Variants in KCNIP1 observed in about 807,000 individuals in gnomAD.
KCNIP1 encodes potassium voltage-gated channel interacting protein 1.
KCNIP1 carries 18 observed loss-of-function variants against 33.0 expected under a neutral mutation model. That is an observed-to-expected ratio of 0.55 (90% CI 0.38 to 0.81). KCNIP1 has a LOEUF of 0.81. Among genes scored for constraint, KCNIP1 ranks in the 30% least tolerant of loss-of-function variants. KCNIP1 has a pLI of 0.00. For missense variants in KCNIP1, 238 were observed against 271.6 expected (o/e 0.88, Z 0.87); for synonymous variants, 93 against 98.3 (o/e 0.95, Z 0.32).
At chr5:170,589,933 G>A (rs930808736) in intron 1 of KCNIP1, among the ~76,000 whole-genome samples, 1 of 152,214 alleles carries the variant, frequency 6.6e-6, no homozygotes, top group African/African-American at 2.4e-5. Flanking sequence ...CCACATCTCA[G>A]CCAATGCATG....
At chr5:170,448,224 T>A (rs1228648696) in intron 1 of KCNIP1, among the ~76,000 whole-genome samples, 1 of 152,200 alleles carries the variant, frequency 6.6e-6, no homozygotes, top group Admixed American at 6.5e-5. Context: ...GCCAGAGTGA[T>A]CCCCCACTAT....
intron 1 of KCNIP1, among the ~76,000 whole-genome samples, chr5:170,617,948 A>G (rs957130264): frequency 1.2e-4 from 19 of 152,308 alleles, no homozygotes; most frequent in Non-Finnish European, 2.6e-4. Flanking sequence ...GGAGATATAA[A>G]ACAGTTGTCT....
chr5:170,382,072 C>T (rs923064289), intron 1 of KCNIP1, among the ~76,000 whole-genome samples: 3 of 152,118 alleles, frequency 2.0e-5, no homozygotes, highest in African/African-American at 2.4e-5. Flanking sequence ...CCATCAAGTC[C>T]GGACTGTCAG....
rs1561587017 is a variant in KCNIP1, at chr5:170,367,430, GAAAGAAAGGAAAGAAAGGAAA to G, written c.88+13467_88+13487del. Among the ~76,000 whole-genome samples, 19 of 143,556 alleles carry G rather than the reference GAAAGAAAGGAAAGAAAGGAAA, an allele frequency of 1.3e-4. 1 individual carries two copies. Among genetic ancestry groups the G allele is most frequent in the African/African-American group, 3.9e-4 (15 of 37,982 alleles). 94.2% of individuals were successfully genotyped at this position (143,556 alleles called of 152,430 possible). The stretch of plus-strand genomic sequence containing the variant: ...GAAAGAAAGAAAGAAAGGAAAGAAA[GAAAGAAAGGAAAGAAAGGAAA>G]GAAAGAAAGAAAGAAAGAATGTGCA... On this transcript the variant is annotated intron_variant, in intron 1 of 7. Transcript: ENST00000377360.
At chr5:170,417,090 C>T (rs1051063960) in intron 1 of KCNIP1, among the ~76,000 whole-genome samples, 2 of 152,110 alleles carry the variant, frequency 1.3e-5, no homozygotes, top group African/African-American at 4.8e-5. Context: ...ATGAGAATCT[C>T]CACTAAGAGG....
At chr5:170,704,556 G>A (rs186379187) in intron 1 of KCNIP1, among the ~76,000 whole-genome samples, 2 of 152,264 alleles carry the variant, frequency 1.3e-5, no homozygotes, top group Admixed American at 1.3e-4. Flanking sequence ...GGGCCCTAGC[G>A]TGGACTCTTC....
At chr5:170,553,981 A>G (rs1447769867) in intron 1 of KCNIP1, among the ~76,000 whole-genome samples, 1 of 152,006 alleles carries the variant, frequency 6.6e-6, no homozygotes, top group Non-Finnish European at 1.5e-5. Flanking sequence ...TTGCCCTCAC[A>G]CTCTAGGGCC....
intron 1 of KCNIP1, among the ~76,000 whole-genome samples, chr5:170,402,650 T>C (rs371690277): frequency 5.9e-5 from 9 of 152,304 alleles, no homozygotes; most frequent in African/African-American, 2.2e-4. Flanking sequence ...ACGTTACTGA[T>C]CCTTACATCC....
intron 1 of KCNIP1, among the ~76,000 whole-genome samples, chr5:170,368,260 G>GTTTGTT (rs1755240521): frequency 6.6e-6 from 1 of 151,886 alleles, no homozygotes; most frequent in African/African-American, 2.4e-5. Flanking sequence ...TTGTTTGTTT[G>GTTTGTT]TTTGTTTGTT....
intron 1 of KCNIP1, among the ~76,000 whole-genome samples, chr5:170,415,798 GT>G (rs965690580): frequency 6.6e-6 from 1 of 152,158 alleles, no homozygotes; most frequent in African/African-American, 2.4e-5. Context: ...CACTCAATAG[GT>G]TCTCCAGTGG....
At chr5:170,488,527 A>G (rs1757142344) in intron 1 of KCNIP1, among the ~76,000 whole-genome samples, 1 of 152,242 alleles carries the variant, frequency 6.6e-6, no homozygotes, top group Non-Finnish European at 1.5e-5. Context: ...TAGACACATA[A>G]TTACATATTC....
At chr5:170,474,167 A>G (rs1318836731) in intron 1 of KCNIP1, among the ~76,000 whole-genome samples, 2 of 152,244 alleles carry the variant, frequency 1.3e-5, no homozygotes, top group Non-Finnish European at 2.9e-5. Flanking sequence ...TGTATCAGGA[A>G]GAGGGCTGCT....
chr5:170,699,468 A>T (rs1763014938), intron 1 of KCNIP1, among the ~76,000 whole-genome samples: 1 of 151,534 alleles, frequency 6.6e-6, no homozygotes, highest in African/African-American at 2.4e-5. Context: ...TTGCATGTTT[A>T]ATCTTCCCCC....
At chr5:170,380,309 C>T (rs1764188628) in intron 1 of KCNIP1, among the ~76,000 whole-genome samples, 1 of 152,200 alleles carries the variant, frequency 6.6e-6, no homozygotes. Flanking sequence ...CAGGTCCCTA[C>T]CCACTCTGCA....
intron 1 of KCNIP1, among the ~76,000 whole-genome samples, chr5:170,472,639 C>T (rs1756762453): frequency 7.1e-6 from 1 of 140,336 alleles, no homozygotes. Context: ...CCTTTGCGTC[C>T]TCATAGCTTA....
chr5:170,441,307 G>A (rs1755981662), intron 1 of KCNIP1, among the ~76,000 whole-genome samples: 1 of 152,118 alleles, frequency 6.6e-6, no homozygotes, highest in South Asian at 2.1e-4. Context: ...GTGCTTTGTA[G>A]AGAGGCTTTG....
At chr5:170,657,603 A>G (rs1402927383) in intron 1 of KCNIP1, among the ~76,000 whole-genome samples, 1 of 152,044 alleles carries the variant, frequency 6.6e-6, no homozygotes, top group African/African-American at 2.4e-5. Context: ...GATCCCTCAC[A>G]CTTCCCCAGC....
At chr5:170,579,948 G>A (rs13355088) in intron 1 of KCNIP1, among the ~76,000 whole-genome samples, 10,474 of 152,042 alleles carry the variant, frequency 0.069, 504 homozygotes, top group African/African-American at 0.13. Context: ...TAAATGCCCT[G>A]GGATGAACAG....
At chr5:170,397,177 T>C (rs1455867091) in intron 1 of KCNIP1, among the ~76,000 whole-genome samples, 1 of 152,212 alleles carries the variant, frequency 6.6e-6, no homozygotes, top group African/African-American at 2.4e-5. Context: ...TGGCCTGAAC[T>C]AGTTTTTCAG....
Sources: allele counts gnomAD v4.1 joint callset (sites outside exome capture counted in the v4.1 genomes callset), GRCh38; gene constraint gnomAD v4.1.1; transcripts MANE v1.5; gene names NCBI Gene and HGNC (gene_info 2026-07-23, HGNC 2026-07-21).